The following BLTP1 variants were observed in gnomAD, a reference collection of about 807,000 sequenced individuals.
BLTP1 encodes fragile site-associated protein.
chr4:122,218,837 CA>C, the BLTP1 span, among the ~76,000 whole-genome samples: 1 of 152,316 alleles, frequency 6.6e-6, no homozygotes, highest in Admixed American at 6.5e-5. Flanking sequence ...TTTATCTCAT[CA>C]ATAACCAAGA....
the BLTP1 span, among the ~76,000 whole-genome samples, chr4:122,213,612 A>G: frequency 2.0e-5 from 3 of 152,094 alleles, no homozygotes; most frequent in Admixed American, 1.3e-4. Context: ...AAAAATCACT[A>G]TATTTGTTTG....
the BLTP1 span, chr4:122,240,060 CCTT>C: frequency 6.2e-7 from 1 of 1,614,194 alleles, no homozygotes; most frequent in South Asian, 1.1e-5. Flanking sequence ...CAAAACTCAT[CCTT>C]CTCAGGCTTC....
chr4:122,337,110 G>A, the BLTP1 span: 1 of 1,235,338 alleles, frequency 8.1e-7, no homozygotes, highest in African/African-American at 1.5e-5. Flanking sequence ...CTGTTTAAAA[G>A]TTTTCTTAAC....
the BLTP1 span, chr4:122,307,859 C>T: frequency 2.6e-6 from 4 of 1,525,670 alleles, no homozygotes; most frequent in Non-Finnish European, 3.5e-6. Context: ...TATTAAGCAA[C>T]AGGATTTTGC....
the BLTP1 span, chr4:122,302,245 C>T: frequency 2.4e-4 from 239 of 981,106 alleles, 1 homozygote; most frequent in African/African-American, 3.0e-3. Flanking sequence ...GCTACTAACA[C>T]GAGAAATTAA....
At chr4:122,270,241 G>C in the BLTP1 span, 1 of 369,502 alleles carries the variant, frequency 2.7e-6, no homozygotes, top group Admixed American at 6.5e-5. Flanking sequence ...AATTCTTTAA[G>C]TTAAATGCAA....
chr4:122,215,562 A>C, the BLTP1 span: 1 of 985,276 alleles, frequency 1.0e-6, no homozygotes, highest in East Asian at 1.1e-4. Context: ...TTTCCACTTT[A>C]CACTTGACCC....
the BLTP1 span, chr4:122,356,536 G>T: frequency 5.9e-6 from 8 of 1,348,060 alleles, no homozygotes; most frequent in Non-Finnish European, 7.2e-6. Flanking sequence ...TGCATTTCAT[G>T]TGGATGCATT....
chr4:122,344,505 G>A, the BLTP1 span: 3 of 1,613,948 alleles, frequency 1.9e-6, no homozygotes, highest in Non-Finnish European at 2.5e-6. Flanking sequence ...TTTTTTGAAA[G>A]TCAGTCTGTA....
the BLTP1 span, among the ~76,000 whole-genome samples, chr4:122,354,920 C>T: frequency 0.02 from 3,119 of 152,202 alleles, 47 homozygotes; most frequent in Non-Finnish European, 0.032. Context: ...CCGCCTCAGC[C>T]TCCCAAAGTG....
the BLTP1 span, chr4:122,201,167 A>C: frequency 4.1e-6 from 6 of 1,459,374 alleles, no homozygotes; most frequent in African/African-American, 7.1e-5. Context: ...GATTTATCAC[A>C]GTGAACTTGT....
At chr4:122,305,693 A>G in the BLTP1 span, 8 of 935,574 alleles carry the variant, frequency 8.6e-6, no homozygotes, top group Non-Finnish European at 1.0e-5. Context: ...TACTTCTTGC[A>G]TGGCTATTTT....
chr4:122,283,424 CTT>C, the BLTP1 span, among the ~76,000 whole-genome samples: 1,088 of 152,180 alleles, frequency 7.1e-3, 8 homozygotes, highest in African/African-American at 0.025. Context: ...TCATTGATCT[CTT>C]TGTACCAGTA....
At chr4:122,267,005 C>T in the BLTP1 span, 2 of 878,952 alleles carry the variant, frequency 2.3e-6, no homozygotes, top group East Asian at 3.0e-5. Flanking sequence ...AATTATAATA[C>T]GTTTGTTTTT....
the BLTP1 span, chr4:122,325,337 T>G: frequency 2.5e-6 from 4 of 1,590,732 alleles, no homozygotes; most frequent in African/African-American, 5.4e-5. Flanking sequence ...GATATATAAT[T>G]TGTTAGAGAT....
chr4:122,190,571 A>G, the BLTP1 span: 2 of 647,766 alleles, frequency 3.1e-6, no homozygotes, highest in Non-Finnish European at 1.9e-6. Context: ...ATATTAGTTT[A>G]GTATTATAGA....
the BLTP1 span, chr4:122,207,689 G>T: frequency 7.1e-7 from 1 of 1,411,526 alleles, no homozygotes; most frequent in South Asian, 1.2e-5. Context: ...TAGTAAATTT[G>T]ATTTCCCAAA....
At chr4:122,286,242 A>T in the BLTP1 span, 6 of 185,418 alleles carry the variant, frequency 3.2e-5, no homozygotes, top group East Asian at 1.1e-3. Context: ...AGGGCACTTT[A>T]TTTCTGTTCT....
the BLTP1 span, among the ~76,000 whole-genome samples, chr4:122,280,426 G>T: frequency 6.6e-6 from 1 of 152,146 alleles, no homozygotes; most frequent in Admixed American, 6.6e-5. Flanking sequence ...GTAAATTTGA[G>T]CATTAACCTT....
Sources: gnomAD v4.1 joint callset for allele counts (sites outside exome capture counted in the v4.1 genomes callset) on GRCh38, gnomAD v4.1.1 for gene constraint, MANE v1.5 for transcripts, NCBI Gene and HGNC (gene_info 2026-07-23, HGNC 2026-07-21) for gene names.